The following STARD13 variants were observed in gnomAD, a reference collection of about 807,000 sequenced individuals.
STARD13 encodes the protein stAR-related lipid transfer protein 13.
A neutral mutation model predicts 106.4 loss-of-function variants in STARD13; 62 were observed. The ratio of observed to expected loss-of-function variants is 0.58; its 90% CI spans 0.48 to 0.72. The LOEUF (loss-of-function observed/expected upper bound fraction) is 0.72, where lower values mean the gene tolerates loss of function less well. Among genes scored for constraint, STARD13 ranks in the 30% least tolerant of loss-of-function variants. The pLI is 0.00. For synonymous variants in STARD13, 565 were observed against 553.0 expected, an observed-to-expected ratio of 1.02 and a Z score of -0.31; for missense variants, 1,387 against 1,424.0, an observed-to-expected ratio of 0.97 and a Z score of 0.42.
intron 7 of STARD13, 79 bp from the exon 8 acceptor site, chr13:33,118,342 G>T: frequency 8.0e-7 from 1 of 1,244,336 alleles, no homozygotes; most frequent in Non-Finnish European, 1.2e-6. Context: ...GAAGGGAACT[G>T]GATGAGCTGG....
the STARD13 span, among the ~76,000 whole-genome samples, chr13:33,672,872 T>C: frequency 6.6e-6 from 1 of 152,268 alleles, no homozygotes; most frequent in African/African-American, 2.4e-5. Flanking sequence ...TATAACTATA[T>C]TGATTATTTC....
the STARD13 span, among the ~76,000 whole-genome samples, chr13:33,451,587 A>G: frequency 6.6e-6 from 1 of 152,308 alleles, no homozygotes; most frequent in East Asian, 1.9e-4. Flanking sequence ...TTACTTTTAT[A>G]CACATTGAGT....
intron 3 of STARD13, among the ~76,000 whole-genome samples, chr13:33,157,930 A>G (rs1295165218): frequency 6.6e-6 from 1 of 152,230 alleles, no homozygotes; most frequent in African/African-American, 2.4e-5. Context: ...TAGATTTCCA[A>G]GTAGCTTCTC....
the STARD13 span, among the ~76,000 whole-genome samples, chr13:33,675,963 G>A: frequency 2.0e-5 from 3 of 152,148 alleles, no homozygotes; most frequent in African/African-American, 7.2e-5. Context: ...CATTTCTACA[G>A]GAAGATCGGA....
At chr13:33,120,843 G>A (rs1243748017) in intron 7 of STARD13, among the ~76,000 whole-genome samples, 1 of 151,502 alleles carries the variant, frequency 6.6e-6, no homozygotes, top group Non-Finnish European at 1.5e-5. Context: ...GCATTCAAGT[G>A]ATTCTCCTGT....
the STARD13 span, among the ~76,000 whole-genome samples, chr13:33,433,882 T>C: frequency 3.3e-5 from 5 of 152,196 alleles, no homozygotes; most frequent in African/African-American, 7.2e-5. Context: ...GGGAAGGCAC[T>C]GTTTTTCTTC....
chr13:33,392,615 G>T, the STARD13 span, among the ~76,000 whole-genome samples: 1 of 151,520 alleles, frequency 6.6e-6, no homozygotes, highest in Non-Finnish European at 1.5e-5. Context: ...GGCCGGGCTG[G>T]TTTCAAACTC....
the STARD13 span, among the ~76,000 whole-genome samples, chr13:33,599,381 T>C: frequency 6.6e-6 from 1 of 152,220 alleles, no homozygotes; most frequent in Non-Finnish European, 1.5e-5. Context: ...AGTAACACCA[T>C]AACAACAATC....
At chr13:33,334,293 A>G (rs2077869807) in intron 1 of STARD13, among the ~76,000 whole-genome samples, 1 of 152,186 alleles carries the variant, frequency 6.6e-6, no homozygotes, top group African/African-American at 2.4e-5. Context: ...AAGTTTCTCT[A>G]TTCTACTACA....
At chr13:33,453,192 C>G in the STARD13 span, among the ~76,000 whole-genome samples, 1 of 152,208 alleles carries the variant, frequency 6.6e-6, no homozygotes. Context: ...TTTAATGCTT[C>G]ATTTTCTTTA....
chr13:33,135,494 T>C (rs1389469825), intron 4 of STARD13, among the ~76,000 whole-genome samples: 2 of 152,222 alleles, frequency 1.3e-5, no homozygotes, highest in Non-Finnish European at 2.9e-5. Context: ...TAAACCAAAG[T>C]GTATAATGTA....
At chr13:33,603,769 A>G in the STARD13 span, among the ~76,000 whole-genome samples, 1 of 152,208 alleles carries the variant, frequency 6.6e-6, no homozygotes. Context: ...TCCCATAGTT[A>G]AAATCTCACA....
the STARD13 span, among the ~76,000 whole-genome samples, chr13:33,514,041 T>C: frequency 2.0e-5 from 3 of 152,196 alleles, no homozygotes; most frequent in East Asian, 5.8e-4. Flanking sequence ...CACCTGTAGC[T>C]TGTAATTAAC....
At chr13:33,269,052 C>T (rs146333911) in intron 1 of STARD13, among the ~76,000 whole-genome samples, 146 of 152,210 alleles carry the variant, frequency 9.6e-4, no homozygotes, top group Non-Finnish European at 1.8e-3. Context: ...GCCACATAAG[C>T]GCTTTCTTTC....
the STARD13 span, among the ~76,000 whole-genome samples, chr13:33,477,554 C>T: frequency 1.3e-5 from 2 of 152,194 alleles, no homozygotes; most frequent in Non-Finnish European, 2.9e-5. Flanking sequence ...AAGAAGACCC[C>T]AGAAAAAACT....
At chr13:33,254,658 T>C (rs1012566113) in intron 1 of STARD13, among the ~76,000 whole-genome samples, 1 of 152,066 alleles carries the variant, frequency 6.6e-6, no homozygotes, top group Admixed American at 6.5e-5. Context: ...GAAGCAGACC[T>C]GTAGGTGAGG....
At chr13:33,214,989 C>T (rs1317397865) in intron 1 of STARD13, among the ~76,000 whole-genome samples, 1 of 152,044 alleles carries the variant, frequency 6.6e-6, no homozygotes, top group Non-Finnish European at 1.5e-5. Flanking sequence ...GCATTAGGTT[C>T]TACTGTAGTT....
intron 1 of STARD13, among the ~76,000 whole-genome samples, chr13:33,211,466 G>A (rs1330399285): frequency 1.3e-5 from 2 of 151,996 alleles, no homozygotes; most frequent in Non-Finnish European, 2.9e-5. Context: ...TGTGGGTTTT[G>A]ATATCTGTGA....
the STARD13 span, among the ~76,000 whole-genome samples, chr13:33,591,368 G>C: frequency 1.3e-5 from 2 of 152,204 alleles, no homozygotes; most frequent in Admixed American, 1.3e-4. Flanking sequence ...AGTAAAAAAT[G>C]TGTATTTGCA....
Sources: gnomAD v4.1 joint callset for allele counts (sites outside exome capture counted in the v4.1 genomes callset) on GRCh38, gnomAD v4.1.1 for gene constraint, MANE v1.5 for transcripts, NCBI Gene and HGNC (gene_info 2026-07-23, HGNC 2026-07-21) for gene names.